GPAM: variants seen among roughly 807,000 people sequenced by gnomAD.
The protein encoded by GPAM is glycerol-3-phosphate acyltransferase, mitochondrial.
Under a neutral mutation model 105.0 loss-of-function variants are expected in GPAM, and 56 were observed. The observed-to-expected ratio is 0.53, with a 90% CI of 0.43 to 0.67. The LOEUF is 0.67. GPAM is among the 30% of genes least tolerant of loss of function. The pLI, the probability that GPAM is intolerant of heterozygous loss-of-function variation, is 0.00. For synonymous variants in GPAM, 368 were observed against 354.4 expected, an observed-to-expected ratio of 1.04 and a Z score of -0.43; for missense variants, 855 against 989.8, an observed-to-expected ratio of 0.86 and a Z score of 1.83.
chr10:112,195,024 G>A (rs920236461), intron 1 of GPAM, among the ~76,000 whole-genome samples: 3 of 152,000 alleles, frequency 2.0e-5, no homozygotes, highest in African/African-American at 4.8e-5. Context: ...TCACTGGGGG[G>A]CATAATGACT....
At chr10:112,199,442 T>G (rs1030380552) in intron 1 of GPAM, among the ~76,000 whole-genome samples, 3 of 152,116 alleles carry the variant, frequency 2.0e-5, no homozygotes, top group Non-Finnish European at 4.4e-5. Context: ...AAGTTTCCGT[T>G]AGGAGGAGTA....
chr10:112,179,800 A>C (rs1395494450), intron 4 of GPAM, among the ~76,000 whole-genome samples: 1 of 152,210 alleles, frequency 6.6e-6, no homozygotes, highest in African/African-American at 2.4e-5. Flanking sequence ...TTAAAAGGCA[A>C]TTCTACTGCC....
upstream of GPAM, among the ~76,000 whole-genome samples, chr10:112,184,897 AG>A (rs1170232076): frequency 6.6e-6 from 1 of 152,242 alleles, no homozygotes; most frequent in African/African-American, 2.4e-5. Flanking sequence ...CATGTGTGTG[AG>A]GAAGCTACCT....
chr10:112,167,194 C>T (rs1000682530), intron 11 of GPAM, among the ~76,000 whole-genome samples: 7 of 152,206 alleles, frequency 4.6e-5, no homozygotes, highest in Admixed American at 3.3e-4. Flanking sequence ...GATTGTCAGA[C>T]GTCCTTGAAT....
intron 1 of GPAM, among the ~76,000 whole-genome samples, chr10:112,200,167 A>AAT (rs10528337): frequency 0.028 from 2,409 of 86,802 alleles, 24 homozygotes; most frequent in Non-Finnish European, 0.042. Flanking sequence ...TTGTAAAGGA[A>AAT]ATATATATAT....
intron 7 of GPAM, 92 bp downstream of exon 7, chr10:112,173,607 G>C: frequency 8.5e-7 from 1 of 1,176,130 alleles, no homozygotes; most frequent in Non-Finnish European, 1.3e-6. Flanking sequence ...TTTGGACAAA[G>C]AGAACTGTGC....
At chr10:112,164,061 G>A (rs1212237487) in intron 13 of GPAM, among the ~76,000 whole-genome samples, 1 of 152,064 alleles carries the variant, frequency 6.6e-6, no homozygotes, top group Non-Finnish European at 1.5e-5. Flanking sequence ...CTGGCAGAAA[G>A]AATACATAAT....
At chr10:112,192,196 G>A (rs753015627) in intron 1 of GPAM, among the ~76,000 whole-genome samples, 2 of 152,238 alleles carry the variant, frequency 1.3e-5, no homozygotes, top group East Asian at 1.9e-4. Context: ...GTATTCATTC[G>A]TTTATCCATT....
chr10:112,163,935 C>G, intron 13 of GPAM, 119 bp from the exon 14 acceptor site: 1 of 696,918 alleles, frequency 1.4e-6, no homozygotes, highest in Non-Finnish European at 2.6e-6. Context: ...ATTTAAACCA[C>G]AAACAGATTA....
chr10:112,166,527 TA>T lies in GPAM; in HGVS notation c.1108-13del. 1 of 1,387,246 alleles carries T rather than the reference TA, an allele frequency of 7.2e-7. No individual in the cohort carries two copies. Among genetic ancestry groups the T allele is most frequent in the Non-Finnish European group, 1.0e-6 (1 of 972,848 alleles). 85.9% of individuals were successfully genotyped at this position (1,387,246 alleles called of 1,614,324 possible). On this transcript the variant is annotated splice_polypyrimidine_tract_variant and intron_variant, in intron 11 of 21. Coordinates refer to ENST00000348367, the MANE Select transcript of GPAM (RefSeq NM_001244949.2). ...TTCTTAGGTTTGCCCTAAATTCCAA[TA>T]GTGAGAATAACATGGTGAGAAATAA...
At chr10:112,195,955 C>G (rs916501828) in intron 1 of GPAM, among the ~76,000 whole-genome samples, 2 of 152,202 alleles carry the variant, frequency 1.3e-5, no homozygotes, top group African/African-American at 4.8e-5. Context: ...CCCATCTTCT[C>G]TCCCTCACCC....
chr10:112,219,196 A>G (rs1158940219), upstream of GPAM, among the ~76,000 whole-genome samples: 1 of 152,198 alleles, frequency 6.6e-6, no homozygotes, highest in Admixed American at 6.5e-5. Flanking sequence ...AGTCCCAACC[A>G]AAGCCCACAG....
At chr10:112,214,714 T>C (rs187072826) in intron 1 of GPAM, among the ~76,000 whole-genome samples, 3 of 152,314 alleles carry the variant, frequency 2.0e-5, no homozygotes, top group Admixed American at 2.0e-4. Context: ...GGTACCAGGA[T>C]TTGTACTACT....
rs1847703590 is a variant in GPAM at position 112,194,767 on chromosome 10, C to T, written n.211-11876G>A. On this transcript the variant is annotated intron_variant and non_coding_transcript_variant, in intron 1 of 3. Coordinates refer to the GPAM transcript ENST00000480130. ...GTCTCTCCGCTTTCACAACCTTGTG[C>T]TCTCCTGCATTTCTTTCTACCCCCC... is the stretch of plus-strand genomic sequence containing the variant. Among the ~76,000 whole-genome samples, 11 of 152,118 alleles carry T rather than the reference C, an allele frequency of 7.2e-5. No homozygotes were observed. In the South Asian group the frequency reaches 2.3e-3, roughly 32 times the overall value.
chr10:112,201,749 T>C (rs1847799953), intron 1 of GPAM, among the ~76,000 whole-genome samples: 2 of 152,256 alleles, frequency 1.3e-5, no homozygotes, highest in South Asian at 4.1e-4. Context: ...TTTTTTTTCT[T>C]GACCATTGTC....
chr10:112,159,994 G>A lies in GPAM; in HGVS notation c.1819C>T (p.Pro607Ser), dbSNP rs141323663. Residue 607 changes from proline to serine, a missense_variant, in exon 17 of 22, where the codon CCT (proline) becomes TCT (serine). Physicochemically the swap from Pro to Ser is moderately conservative, Grantham distance 74 (BLOSUM62 -1). Coordinates refer to ENST00000348367, the MANE Select transcript of GPAM (RefSeq NM_001244949.2). ...RGLGGPTSTP[P>S]NLISQEQLVR... The stretch of plus-strand genomic sequence containing the variant: ...AGCTGCTCCTGGCTGATCAGGTTAG[G>A]TGGGGTGCTAGTGGGACCCCCCAGT... 137 of 1,613,838 alleles carry A rather than the reference G, an allele frequency of 8.5e-5. No homozygotes were observed. The African/African-American group carries it at 1.7e-3, about 20-fold the overall frequency.
chr10:112,152,200 A>G lies in GPAM; in HGVS notation c.*1350T>C. 6 of 976,850 alleles carry G rather than the reference A, an allele frequency of 6.1e-6. No individual in the cohort carries two copies. Among genetic ancestry groups the G allele is most frequent in the Non-Finnish European group, 7.3e-6 (6 of 822,170 alleles). The allele number at this position is 976,850 out of a possible 1,614,324, so 60.5% of individuals were successfully genotyped here. On this transcript the variant is annotated 3_prime_UTR_variant, in exon 22 of 22. Coordinates refer to ENST00000348367, the MANE Select transcript of GPAM (RefSeq NM_001244949.2). ...ATCTGGAAAAATTCTTAATTCCATA[A>G]TATCTTGGAGATAAGCAACAGTAAA...
the GPAM span, among the ~76,000 whole-genome samples, chr10:112,226,300 C>A: frequency 6.6e-6 from 1 of 152,100 alleles, no homozygotes; most frequent in African/African-American, 2.4e-5. Context: ...GGTTTTGCCC[C>A]TGAAAAGAAG....
intron 1 of GPAM, among the ~76,000 whole-genome samples, chr10:112,190,252 G>T (rs1168949888): frequency 6.6e-6 from 1 of 152,098 alleles, no homozygotes; most frequent in Admixed American, 6.5e-5. Context: ...CAGTGAAGGT[G>T]ACCTTAGATT....
Sources: gnomAD v4.1 joint callset for allele counts (sites outside exome capture counted in the v4.1 genomes callset) on GRCh38, gnomAD v4.1.1 for gene constraint, MANE v1.5 for transcripts, NCBI Gene and HGNC (gene_info 2026-07-23, HGNC 2026-07-21) for gene names.